MAN2A1: variants seen among roughly 807,000 people sequenced by gnomAD.
The protein encoded by MAN2A1 is alpha-mannosidase 2.
Under a neutral mutation model 142.6 loss-of-function variants are expected in MAN2A1, and 76 were observed. The observed-to-expected ratio is 0.53, with a 90% CI of 0.44 to 0.65. The LOEUF (loss-of-function observed/expected upper bound fraction) is 0.65. Ranked by LOEUF, MAN2A1 falls within the 30% of genes least tolerant of loss-of-function variation. The pLI, the probability that MAN2A1 is intolerant of heterozygous loss-of-function variation, is 0.00. For missense variants in MAN2A1, 1,311 were observed against 1,365.1 expected (o/e 0.96, Z 0.62); for synonymous variants, 559 against 473.2 (o/e 1.18, Z -2.35).
chr5:109,773,586 A>G (rs1753207029), intron 7 of MAN2A1, among the ~76,000 whole-genome samples: 1 of 152,196 alleles, frequency 6.6e-6, no homozygotes, highest in South Asian at 2.1e-4. Flanking sequence ...AGATAAAGTA[A>G]TGTGCTAATG....
intron 3 of MAN2A1, among the ~76,000 whole-genome samples, chr5:109,726,031 G>A (rs1751734748): frequency 6.6e-6 from 1 of 152,052 alleles, no homozygotes; most frequent in African/African-American, 2.4e-5. Flanking sequence ...CTTTTTTATG[G>A]GTGGTAATAG....
At chr5:109,815,993 A>C (rs977224380) in intron 12 of MAN2A1, among the ~76,000 whole-genome samples, 1 of 152,238 alleles carries the variant, frequency 6.6e-6, no homozygotes, top group Non-Finnish European at 1.5e-5. Context: ...AATATGATGC[A>C]AATTGATTAT....
intron 3 of MAN2A1, among the ~76,000 whole-genome samples, chr5:109,720,645 A>G (rs1459732042): frequency 2.0e-5 from 3 of 152,240 alleles, no homozygotes; most frequent in Non-Finnish European, 2.9e-5. Flanking sequence ...TGGGCCACAC[A>G]TAAAATACAC....
rs920664207 is a variant in MAN2A1 at position 109,722,804 on chromosome 5, C to G, written c.536-6538C>G. Among the ~76,000 whole-genome samples, 3 of 152,080 alleles carry G rather than the reference C, an allele frequency of 2.0e-5. No individual in the cohort carries two copies. The East Asian group carries it at 5.8e-4, about 29-fold the overall frequency. On this transcript the variant is annotated intron_variant, in intron 3 of 21. Coordinates refer to ENST00000261483, the MANE Select transcript of MAN2A1 (RefSeq NM_002372.4). ...AAAGCTAAGTAGCCCCCTCGTGTAC[C>G]CTAAGAGTAACCCACCAAAGAAAGT...
intron 12 of MAN2A1, among the ~76,000 whole-genome samples, chr5:109,800,313 T>C (rs1240016862): frequency 2.6e-5 from 4 of 152,194 alleles, no homozygotes; most frequent in African/African-American, 9.6e-5. Flanking sequence ...GTTTACCCAC[T>C]AAATGCCTGC....
rs577345347 is a variant in MAN2A1, at chr5:109,716,065, C to G, written c.391-55C>G. 3.6e-5 allele frequency: 45 copies of G among 1,246,730 alleles called. No individual in the cohort carries two copies. In the South Asian group the frequency reaches 3.9e-4, roughly 11 times the overall value. The allele number at this position is 1,246,730 out of a possible 1,614,324, so 77.2% of individuals were successfully genotyped here. The stretch of plus-strand genomic sequence containing the variant: ...GTGAATAATTTTGAGCAAATATTTA[C>G]CAACATTAAATTAATAATTGTTAAA... On this transcript the variant is annotated intron_variant, in intron 2 of 21. Coordinates refer to ENST00000261483, the MANE Select transcript of MAN2A1 (RefSeq NM_002372.4).
At chr5:109,848,990 A>G (rs1755409933) in intron 19 of MAN2A1, among the ~76,000 whole-genome samples, 1 of 152,172 alleles carries the variant, frequency 6.6e-6, no homozygotes, top group Non-Finnish European at 1.5e-5. Context: ...TCCAGTGCAT[A>G]TTGACTTTCG....
chr5:109,856,416 A>C (rs1755606347), intron 20 of MAN2A1, among the ~76,000 whole-genome samples: 1 of 152,192 alleles, frequency 6.6e-6, no homozygotes, highest in Non-Finnish European at 1.5e-5. Flanking sequence ...CAGGCTTCCA[A>C]AAGGTAGGAA....
At chr5:109,839,186 T>C (rs1755133724) in intron 16 of MAN2A1, among the ~76,000 whole-genome samples, 1 of 152,234 alleles carries the variant, frequency 6.6e-6, no homozygotes, top group Non-Finnish European at 1.5e-5. Flanking sequence ...TGCTACATTT[T>C]GTGTTTTGGA....
chr5:109,747,689 G>A (rs944893315), intron 4 of MAN2A1, among the ~76,000 whole-genome samples: 2 of 151,976 alleles, frequency 1.3e-5, no homozygotes, highest in African/African-American at 4.8e-5. Context: ...TTATTCTCTA[G>A]GGCTTTCCCC....
intron 1 of MAN2A1, among the ~76,000 whole-genome samples, chr5:109,710,881 G>T (rs1280297970): frequency 6.6e-6 from 1 of 152,112 alleles, no homozygotes; most frequent in African/African-American, 2.4e-5. Context: ...GTAGAGACGG[G>T]GTTTCTCCAT....
intron 4 of MAN2A1, among the ~76,000 whole-genome samples, chr5:109,754,826 A>G (rs532268555): frequency 6.6e-6 from 1 of 152,278 alleles, no homozygotes; most frequent in East Asian, 1.9e-4. Flanking sequence ...ACATGGAGAA[A>G]CCACGTCTCT....
chr5:109,721,354 G>C (rs1751597970), intron 3 of MAN2A1, among the ~76,000 whole-genome samples: 1 of 152,020 alleles, frequency 6.6e-6, no homozygotes, highest in Admixed American at 6.6e-5. Context: ...TCTGGACTTT[G>C]GGTTATTAAT....
chr5:109,810,519 C>G (rs557238596), intron 12 of MAN2A1, among the ~76,000 whole-genome samples: 1 of 152,280 alleles, frequency 6.6e-6, no homozygotes, highest in South Asian at 2.1e-4. Flanking sequence ...TTAAGCTTCC[C>G]TTTCTGCGCA....
chr5:109,736,668 G>T (rs1481336426), intron 4 of MAN2A1, among the ~76,000 whole-genome samples: 37 of 151,936 alleles, frequency 2.4e-4, no homozygotes, highest in Admixed American at 2.4e-3. Context: ...TTGCTTTTTT[G>T]TTACTTGTTT....
At chr5:109,692,482 ATGTG>A (rs1348498788) in intron 1 of MAN2A1, among the ~76,000 whole-genome samples, 4 of 152,136 alleles carry the variant, frequency 2.6e-5, no homozygotes, top group African/African-American at 9.7e-5. Context: ...CTTAACCGTT[ATGTG>A]TGTGACATTA....
intron 7 of MAN2A1, among the ~76,000 whole-genome samples, chr5:109,773,426 A>G (rs753064127): frequency 6.6e-6 from 1 of 152,032 alleles, no homozygotes; most frequent in Non-Finnish European, 1.5e-5. Flanking sequence ...ATTATATCTT[A>G]TATCTATGAT....
chr5:109,743,721 G>C (rs1485644859), intron 4 of MAN2A1, among the ~76,000 whole-genome samples: 1 of 152,076 alleles, frequency 6.6e-6, no homozygotes, highest in African/African-American at 2.4e-5. Context: ...CCTCCAAATG[G>C]CCTTTCCATT....
intron 5 of MAN2A1, among the ~76,000 whole-genome samples, chr5:109,760,411 C>G (rs1752811129): frequency 1.3e-5 from 2 of 152,154 alleles, no homozygotes; most frequent in African/African-American, 4.8e-5. Flanking sequence ...GGTTCCAAGT[C>G]TTTGCTACTG....
Sources: allele counts gnomAD v4.1 joint callset (sites outside exome capture counted in the v4.1 genomes callset), GRCh38; gene constraint gnomAD v4.1.1; transcripts MANE v1.5; gene names NCBI Gene and HGNC (gene_info 2026-07-23, HGNC 2026-07-21).